SLCO1A2: variants seen among roughly 807,000 people sequenced by gnomAD.
SLCO1A2 encodes solute carrier organic anion transporter family member 1A2.
Under a neutral mutation model 69.0 loss-of-function variants are expected in SLCO1A2, and 67 were observed. The observed-to-expected ratio is 0.97, with a 90% CI of 0.80 to 1.19. The LOEUF (loss-of-function observed/expected upper bound fraction) is 1.19, where lower values mean the gene tolerates loss of function less well. Among genes scored for constraint, SLCO1A2 ranks in the 50% most tolerant of loss-of-function variants. The pLI is 0.00. For synonymous variants in SLCO1A2, 260 were observed against 265.9 expected (o/e 0.98, Z 0.22); for missense variants, 787 against 793.7 (o/e 0.99, Z 0.10).
intron 2 of SLCO1A2, among the ~76,000 whole-genome samples, chr12:21,346,427 T>G (rs752778425): frequency 6.6e-6 from 1 of 152,096 alleles, no homozygotes; most frequent in Non-Finnish European, 1.5e-5. Flanking sequence ...ATGATGGATT[T>G]TTGTGTTCAG....
chr12:21,319,596 G>C, intron 2 of SLCO1A2: 1 of 573,874 alleles, frequency 1.7e-6, no homozygotes, highest in Non-Finnish European at 2.8e-6. Flanking sequence ...TGTAAATGGA[G>C]GACCACACAA....
At chr12:21,403,094 A>G (rs898798939) in intron 1 of SLCO1A2, among the ~76,000 whole-genome samples, 6 of 152,188 alleles carry the variant, frequency 3.9e-5, no homozygotes, top group Non-Finnish European at 5.9e-5. Context: ...TTCCAGGCCA[A>G]TGACAAGGCA....
chr12:21,371,731 G>A (rs934846968), intron 2 of SLCO1A2, among the ~76,000 whole-genome samples: 35 of 152,106 alleles, frequency 2.3e-4, no homozygotes, highest in Non-Finnish European at 2.8e-4. Context: ...GGATGGGTGC[G>A]GTGGCTGACG....
upstream of SLCO1A2, among the ~76,000 whole-genome samples, chr12:21,339,137 G>A (rs373789171): frequency 7.1e-4 from 108 of 152,116 alleles, 1 homozygote; most frequent in African/African-American, 2.5e-3. Context: ...CAATGACAGT[G>A]ATTACTACTC....
intron 12 of SLCO1A2, among the ~76,000 whole-genome samples, chr12:21,281,777 A>G (rs1944844385): frequency 6.6e-6 from 1 of 152,172 alleles, no homozygotes; most frequent in Non-Finnish European, 1.5e-5. Flanking sequence ...TTGTTAAACT[A>G]TGTTAAACTC....
At chr12:21,386,011 A>G (rs1488970102) in intron 1 of SLCO1A2, among the ~76,000 whole-genome samples, 1 of 152,214 alleles carries the variant, frequency 6.6e-6, no homozygotes, top group Non-Finnish European at 1.5e-5. Context: ...TTTCAAGTTT[A>G]TGATTATTAT....
At chr12:21,270,394 CAATTT>C (rs1347656872) in intron 14 of SLCO1A2, among the ~76,000 whole-genome samples, 4 of 151,622 alleles carry the variant, frequency 2.6e-5, no homozygotes, top group African/African-American at 9.7e-5. Context: ...TTACTAGATT[CAATTT>C]ATCAATTTTT....
upstream of SLCO1A2, among the ~76,000 whole-genome samples, chr12:21,396,770 C>A (rs936705287): frequency 1.7e-4 from 26 of 152,076 alleles, no homozygotes; most frequent in African/African-American, 5.8e-4. Flanking sequence ...TCCAGCCAAA[C>A]TAAGCTTCAT....
intron 1 of SLCO1A2, among the ~76,000 whole-genome samples, chr12:21,401,414 G>A (rs1351258642): frequency 6.6e-6 from 1 of 151,676 alleles, no homozygotes; most frequent in Non-Finnish European, 1.5e-5. Flanking sequence ...GCAACTGTAT[G>A]AAGAAGAATA....
At chr12:21,274,836 A>C in intron 13 of SLCO1A2, 3 of 794,100 alleles carry the variant, frequency 3.8e-6, no homozygotes, top group Non-Finnish European at 5.0e-6. Flanking sequence ...AAGATTCTGA[A>C]CTTTATATAT....
At chr12:21,360,124 C>T (rs1314053259) in intron 2 of SLCO1A2, among the ~76,000 whole-genome samples, 1 of 151,734 alleles carries the variant, frequency 6.6e-6, no homozygotes, top group Non-Finnish European at 1.5e-5. Context: ...GCAGCAGTTA[C>T]CTGAGGAGTG....
At chr12:21,274,668 T>C (rs1943475156) in intron 13 of SLCO1A2, 82 bp from the exon 14 acceptor site, 4 of 1,022,946 alleles carry the variant, frequency 3.9e-6, no homozygotes, top group Non-Finnish European at 4.5e-6. Context: ...TTTTCTTTAT[T>C]TGTACGGCAA....
intron 1 of SLCO1A2, among the ~76,000 whole-genome samples, chr12:21,408,779 T>C (rs1203703369): frequency 7.9e-5 from 12 of 151,890 alleles, no homozygotes; most frequent in Admixed American, 7.9e-4. Context: ...CACTTATAGA[T>C]AAGACAGAGA....
At chr12:21,304,358 T>C in intron 6 of SLCO1A2, 69 bp downstream of exon 6, 1 of 1,285,544 alleles carries the variant, frequency 7.8e-7, no homozygotes, top group South Asian at 1.4e-5. Context: ...ACTACAAAAA[T>C]ATAACTAATT....
chr12:21,303,165 T>C (rs909849146), intron 6 of SLCO1A2, among the ~76,000 whole-genome samples: 5 of 152,174 alleles, frequency 3.3e-5, no homozygotes, highest in Admixed American at 6.5e-5. Flanking sequence ...TATATAGTAC[T>C]AATAATTATG....
chr12:21,266,360 C>A lies in SLCO1A2; in HGVS notation c.*3188G>T, dbSNP rs1942064378. ...TAATATATTTATTCAGCTGCAATCCCTAGTGTCCTTCCAGAGACTGATTAA... is the reference window on the plus strand; with the variant it reads ...TAATATATTTATTCAGCTGCAATCCATAGTGTCCTTCCAGAGACTGATTAA... On this transcript the variant is annotated 3_prime_UTR_variant, in exon 15 of 15. Transcript: ENST00000683939. 6.6e-6 allele frequency: 1 copy of A among 152,094 alleles called. No homozygotes were observed. Among genetic ancestry groups the A allele is most frequent in the Admixed American group, 6.6e-5 (1 of 15,258 alleles). The allele number at this position is 152,094 out of a possible 1,614,324, so 9.4% of individuals were successfully genotyped here. A position where few individuals can be genotyped will look rare whatever the true frequency, so the allele number is the denominator to read the frequency against.
intron 12 of SLCO1A2, among the ~76,000 whole-genome samples, chr12:21,288,291 A>C (rs1591795617): frequency 6.6e-6 from 1 of 152,104 alleles, no homozygotes; most frequent in Admixed American, 6.6e-5. Flanking sequence ...AAAATACAAA[A>C]ATTAGTGGGT....
At chr12:21,330,224 G>T (rs1175713217) in intron 2 of SLCO1A2, among the ~76,000 whole-genome samples, 2 of 152,024 alleles carry the variant, frequency 1.3e-5, no homozygotes, top group Non-Finnish European at 2.9e-5. Context: ...CAGACACCAT[G>T]GCTCATGCCT....
At chr12:21,395,229 G>C (rs1359305503) in exon 1 of SLCO1A2, 1 of 153,000 alleles carries the variant, frequency 6.5e-6, no homozygotes, top group African/African-American at 2.4e-5. Flanking sequence ...AGGGGTCAGG[G>C]AGTTCCCTTT....
Sources: gnomAD v4.1 joint callset for allele counts (sites outside exome capture counted in the v4.1 genomes callset) on GRCh38, gnomAD v4.1.1 for gene constraint, MANE v1.5 for transcripts, NCBI Gene and HGNC (gene_info 2026-07-23, HGNC 2026-07-21) for gene names.